The following SRD5A2 variants were observed in gnomAD, a reference collection of about 807,000 sequenced individuals.
SRD5A2 encodes the protein 3-oxo-5-alpha-steroid 4-dehydrogenase 2.
In SRD5A2, 30 loss-of-function variants were observed where a neutral mutation model predicts 27.4. That is an observed-to-expected ratio of 1.10 (90% confidence interval 0.82 to 1.49). SRD5A2 has a LOEUF of 1.49. Among genes scored for constraint, SRD5A2 ranks in the 40% most tolerant of loss-of-function variants. The pLI is 0.00. For synonymous variants in SRD5A2, 141 were observed against 133.6 expected (o/e 1.06, Z -0.38); for missense variants, 348 against 323.4 (o/e 1.08, Z -0.58).
the SRD5A2 span, among the ~76,000 whole-genome samples, chr2:31,654,350 C>G: frequency 0.03 from 4,588 of 152,266 alleles, 111 homozygotes; most frequent in Non-Finnish European, 0.046. Flanking sequence ...AACCTGCATC[C>G]TTTATTTACA....
chr2:31,662,369 G>T, the SRD5A2 span, among the ~76,000 whole-genome samples: 1 of 152,024 alleles, frequency 6.6e-6, no homozygotes, highest in African/African-American at 2.4e-5. Flanking sequence ...ACCCAGTCTG[G>T]AGCATAGTGG....
chr2:31,543,351 A>G (rs1666177037), intron 1 of SRD5A2, among the ~76,000 whole-genome samples: 1 of 152,198 alleles, frequency 6.6e-6, no homozygotes, highest in African/African-American at 2.4e-5. Context: ...TAGAATCTAT[A>G]TAAAGAAATA....
chr2:31,642,206 T>A, the SRD5A2 span, among the ~76,000 whole-genome samples: 2 of 152,054 alleles, frequency 1.3e-5, no homozygotes, highest in African/African-American at 2.4e-5. Context: ...AACATATGGA[T>A]TTTTTACCTA....
chr2:31,558,266 C>T (rs1375688972), intron 1 of SRD5A2, among the ~76,000 whole-genome samples: 3 of 152,146 alleles, frequency 2.0e-5, no homozygotes, highest in Non-Finnish European at 4.4e-5. Flanking sequence ...TTTGGTTATC[C>T]CTTGACCTGT....
At chr2:31,647,817 TG>T in the SRD5A2 span, among the ~76,000 whole-genome samples, 1 of 152,232 alleles carries the variant, frequency 6.6e-6, no homozygotes, top group Non-Finnish European at 1.5e-5. Flanking sequence ...TTGAAGATAA[TG>T]CCTCTAAAAT....
the SRD5A2 span, among the ~76,000 whole-genome samples, chr2:31,640,929 T>G: frequency 2.0e-5 from 3 of 152,170 alleles, no homozygotes; most frequent in Admixed American, 1.3e-4. Context: ...TCAATTTCAC[T>G]TCTTCCAATG....
At chr2:31,658,556 T>TAA in the SRD5A2 span, among the ~76,000 whole-genome samples, 1 of 139,328 alleles carries the variant, frequency 7.2e-6, no homozygotes, top group East Asian at 2.1e-4. Flanking sequence ...CCCACAGAAA[T>TAA]AAAAAAAAAA....
intron 1 of SRD5A2, among the ~76,000 whole-genome samples, chr2:31,569,690 A>C (rs566403359): frequency 1.3e-5 from 2 of 148,222 alleles, no homozygotes; most frequent in South Asian, 2.1e-4. Flanking sequence ...AAAAAAAAAA[A>C]CACAACAAAA....
intron 4 of SRD5A2, among the ~76,000 whole-genome samples, chr2:31,529,008 G>T (rs1434093199): frequency 2.6e-5 from 4 of 152,176 alleles, no homozygotes; most frequent in Non-Finnish European, 5.9e-5. Flanking sequence ...ACTTCTCGCT[G>T]GACAGCCTTC....
At chr2:31,550,122 C>A (rs1666354864) in intron 1 of SRD5A2, among the ~76,000 whole-genome samples, 1 of 152,018 alleles carries the variant, frequency 6.6e-6, no homozygotes, top group African/African-American at 2.4e-5. Flanking sequence ...AGAAACTAAA[C>A]AGCATACTTT....
chr2:31,623,980 T>A, the SRD5A2 span, among the ~76,000 whole-genome samples: 1 of 152,186 alleles, frequency 6.6e-6, no homozygotes, highest in Admixed American at 6.6e-5. Context: ...ATAAGCTTCA[T>A]GATGTGCTGC....
At chr2:31,594,288 T>A in the SRD5A2 span, among the ~76,000 whole-genome samples, 8 of 152,120 alleles carry the variant, frequency 5.3e-5, no homozygotes, top group Non-Finnish European at 1.2e-4. Flanking sequence ...CAACCAAGTA[T>A]CTGCTGTCTT....
intron 4 of SRD5A2, chr2:31,527,014 G>T (rs1404971836): frequency 6.6e-6 from 1 of 152,120 alleles, no homozygotes; most frequent in African/African-American, 2.4e-5. Context: ...GAACACCAAG[G>T]GTTGCCGGCC....
At chr2:31,631,112 G>T in the SRD5A2 span, among the ~76,000 whole-genome samples, 1 of 152,202 alleles carries the variant, frequency 6.6e-6, no homozygotes, top group South Asian at 2.1e-4. Flanking sequence ...TCTCTGAAAT[G>T]AATTTGCATA....
chr2:31,556,257 G>C (rs750209692), intron 1 of SRD5A2, among the ~76,000 whole-genome samples: 1 of 152,212 alleles, frequency 6.6e-6, no homozygotes, highest in East Asian at 1.9e-4. Flanking sequence ...CAGGCCAAAT[G>C]TGAAGTCCAC....
chr2:31,583,235 T>C (rs1212479427), upstream of SRD5A2, among the ~76,000 whole-genome samples: 1 of 152,212 alleles, frequency 6.6e-6, no homozygotes, highest in Non-Finnish European at 1.5e-5. Context: ...CCACCATGTC[T>C]ATATAATGTT....
intron 1 of SRD5A2, among the ~76,000 whole-genome samples, chr2:31,571,739 T>C (rs185192616): frequency 4.6e-5 from 7 of 152,244 alleles, no homozygotes; most frequent in African/African-American, 1.7e-4. Context: ...CAAAACAAGA[T>C]ATATGTGGCC....
the SRD5A2 span, among the ~76,000 whole-genome samples, chr2:31,642,916 T>C: frequency 6.6e-6 from 1 of 151,988 alleles, no homozygotes; most frequent in African/African-American, 2.4e-5. Flanking sequence ...ATGCTATGTA[T>C]GCAAAAAAGT....
the SRD5A2 span, among the ~76,000 whole-genome samples, chr2:31,646,639 C>T: frequency 6.6e-6 from 1 of 151,874 alleles, no homozygotes; most frequent in Non-Finnish European, 1.5e-5. Context: ...AGTTTTATTA[C>T]TGAGGAAGAA....
Sources: allele counts gnomAD v4.1 joint callset (sites outside exome capture counted in the v4.1 genomes callset), GRCh38; gene constraint gnomAD v4.1.1; transcripts MANE v1.5; gene names NCBI Gene and HGNC (gene_info 2026-07-23, HGNC 2026-07-21).